The following THAP1 variants were observed in gnomAD, a reference collection of about 807,000 sequenced individuals.
THAP1 encodes THAP domain-containing protein 1.
Under a neutral mutation model 18.2 loss-of-function variants are expected in THAP1, and 6 were observed. That is an observed-to-expected ratio of 0.33 (90% CI 0.18 to 0.65). The LOEUF is 0.65. Among genes scored for constraint, THAP1 ranks in the 30% least tolerant of loss-of-function variants. The pLI, the probability that THAP1 is intolerant of heterozygous loss-of-function variation, is 0.74. For missense variants in THAP1, 176 were observed against 253.0 expected (o/e 0.70, Z 2.06); for synonymous variants, 85 against 90.5 (o/e 0.94, Z 0.34).
intron 1 of THAP1, among the ~76,000 whole-genome samples, chr8:42,842,184 AAATTCAGCTG>A (rs1452622328): frequency 6.6e-6 from 1 of 152,238 alleles, no homozygotes; most frequent in Non-Finnish European, 1.5e-5. Flanking sequence ...ATTTGTAAAC[AAATTCAGCTG>A]AATGAAAATG....
chr8:42,842,996 G>C (rs538267559), intron 1 of THAP1, 28 bp downstream of exon 1: 13 of 1,548,092 alleles, frequency 8.4e-6, no homozygotes, highest in East Asian at 5.1e-5. Flanking sequence ...GGCTGAGACC[G>C]GCCCCGCGAG....
rs891987383 is a variant in THAP1, at chr8:42,839,091, T to C, written c.267+95A>G. ...AACTACAAGGTTCCAGGCACATTTA[T>C]TCTCTTAACACTAACTCAATTTTCC... On this transcript the variant is annotated intron_variant, in intron 2 of 2. Transcript: ENST00000254250. 6 of 1,358,544 alleles carry C rather than the reference T, an allele frequency of 4.4e-6. No homozygotes were observed. In the Admixed American group the frequency reaches 1.0e-4, roughly 24 times the overall value. The allele number at this position is 1,358,544 out of a possible 1,614,324, so 84.2% of individuals were successfully genotyped here.
At chr8:42,840,172 G>C (rs564748365) in intron 1 of THAP1, among the ~76,000 whole-genome samples, 1 of 152,208 alleles carries the variant, frequency 6.6e-6, no homozygotes, top group African/African-American at 2.4e-5. Context: ...TCCAGCCTGG[G>C]TGACAGAGCC....
rs563463528 is a variant in THAP1 at position 42,837,805 on chromosome 8, A to G, written c.*157T>C. ...CCTGAAATTACAAACAAAAAAATTT[A>G]TAATTTTACAGTATATATAGAATTT... On this transcript the variant is annotated 3_prime_UTR_variant, in exon 3 of 3. Coordinates refer to ENST00000254250, the MANE Select transcript of THAP1 (RefSeq NM_018105.3). The G allele has an allele frequency of 3.6e-5, 24 of 675,946 alleles. No homozygotes were observed. The South Asian group carries it at 1.2e-3, about 34-fold the overall frequency. 41.9% of individuals were successfully genotyped at this position (675,946 alleles called of 1,614,324 possible).
Position 42,843,108 on chromosome 8 carries a change from A to G in THAP1, c.-14T>C, listed in dbSNP as rs745551712. On this transcript the variant is annotated 5_prime_UTR_variant, in exon 1 of 3. Transcript: ENST00000254250. ...GGACTGCACCATCCTTCCGGTCCTC[A>G]GGCACTTCACTTCTGCCGCCGCAGA... 1 of 1,613,242 alleles carries G rather than the reference A, an allele frequency of 6.2e-7. No individual in the cohort carries two copies. Among genetic ancestry groups the G allele is most frequent in the Non-Finnish European group, 8.5e-7 (1 of 1,179,604 alleles).
chr8:42,841,294 CTTTTTTTTTTTTTTTT>C (rs775435611), intron 1 of THAP1, among the ~76,000 whole-genome samples: 1 of 95,936 alleles, frequency 1.0e-5, no homozygotes, highest in Non-Finnish European at 1.9e-5. Context: ...ACAGTTGTAT[CTTTTTTTTTTTTTTTT>C]TTTTTTTTTG....
rs532785465 is a variant in THAP1 at position 42,839,530 on chromosome 8, CTATT to C, written c.72-153_72-150del. 2.3e-3 allele frequency: 1,952 copies of C among 849,532 alleles called. 4 individuals carry two copies. Among genetic ancestry groups the C allele is most frequent in the Non-Finnish European group, 3.1e-3 (1,774 of 567,248 alleles). 52.6% of individuals were successfully genotyped at this position (849,532 alleles called of 1,614,324 possible). On this transcript the variant is annotated intron_variant, in intron 1 of 2. Coordinates refer to ENST00000254250, the MANE Select transcript of THAP1 (RefSeq NM_018105.3). ...TGGATTAAAGATTAGCTCTAGTTAT[CTATT>C]TATCTCATTTATTAATTTTTTAAAA...
chr8:42,842,938 A>G, intron 1 of THAP1, 86 bp downstream of exon 1: 2 of 965,384 alleles, frequency 2.1e-6, no homozygotes, highest in Non-Finnish European at 2.6e-6. Context: ...TCGCGCGGAC[A>G]CGCGCCTGGC....
chr8:42,840,218 A>C lies in THAP1; in HGVS notation c.72-837T>G, dbSNP rs1435687100. Among the ~76,000 whole-genome samples, 3 of 152,148 alleles carry C rather than the reference A, an allele frequency of 2.0e-5. No individual in the cohort carries two copies. The South Asian group carries it at 6.2e-4, about 31-fold the overall frequency. ...AAAAAGAAAAAAATAACCTGTATTCATATTTTTTACCAGTAATTTTCTGTG... is the reference window on the plus strand; with the variant it reads ...AAAAAGAAAAAAATAACCTGTATTCCTATTTTTTACCAGTAATTTTCTGTG... On this transcript the variant is annotated intron_variant, in intron 1 of 2. Coordinates refer to ENST00000254250, the MANE Select transcript of THAP1 (RefSeq NM_018105.3).
chr8:42,838,115 G>A lies in THAP1; in HGVS notation c.489C>T (p.Leu163=). The A allele has an allele frequency of 6.2e-7, 1 of 1,614,216 alleles. No individual in the cohort carries two copies. Among genetic ancestry groups the A allele is most frequent in the Non-Finnish European group, 8.5e-7 (1 of 1,180,052 alleles). The change falls in exon 3 of 3, where the codon CTC becomes CTT. Residue 163 remains leucine, a synonymous_variant. Coordinates refer to ENST00000254250, the MANE Select transcript of THAP1 (RefSeq NM_018105.3). ...TTCTGCATCGCTGCTGTGCGGTCTT[G>A]AGCTTCTTTCTGAGTTTTTCAACTT... ...EQQVEKLRKK[L]KTAQQRCRRQ...
intron 1 of THAP1, among the ~76,000 whole-genome samples, chr8:42,842,016 T>C (rs1319846133): frequency 6.6e-6 from 1 of 152,194 alleles, no homozygotes; most frequent in Admixed American, 6.5e-5. Flanking sequence ...ATATTTAACA[T>C]TTTGCTTTTG....
At position 42,843,049 on chromosome 8, in the gene THAP1, TGTC is replaced by T. The variant is rs1478723907; in HGVS notation, c.43_45del (p.Asp15del). Reference sequence around the variant, plus strand: ...TTGTGGAAAGAAACGGGCTTGTCCTTGTCGTAGCGGTTCTTGCAGCCGTAGGCG... The same window carrying T: ...TTGTGGAAAGAAACGGGCTTGTCCTTGTAGCGGTTCTTGCAGCCGTAGGCG... On this transcript the variant is annotated inframe_deletion, in exon 1 of 3. Coordinates refer to ENST00000254250, the MANE Select transcript of THAP1 (RefSeq NM_018105.3). The T allele has an allele frequency of 6.2e-7, 1 of 1,613,790 alleles. No homozygotes were observed. The highest frequency in any genetic ancestry group is 1.3e-5 in the African/African-American group (1 of 74,922).
chr8:42,840,160 A>C (rs555729129), intron 1 of THAP1, among the ~76,000 whole-genome samples: 1 of 152,126 alleles, frequency 6.6e-6, no homozygotes, highest in South Asian at 2.1e-4. Context: ...ATTCCACTGC[A>C]CTCCAGCCTG....
intron 1 of THAP1, among the ~76,000 whole-genome samples, chr8:42,840,038 G>T (rs1051867004): frequency 6.6e-6 from 1 of 152,012 alleles, no homozygotes; most frequent in Non-Finnish European, 1.5e-5. Context: ...CTCTACAAAA[G>T]ACACAAAAAT....
chr8:42,839,525 G>C, intron 1 of THAP1, 144 bp from the exon 2 acceptor site: 3 of 878,964 alleles, frequency 3.4e-6, no homozygotes, highest in Non-Finnish European at 5.1e-6. Flanking sequence ...ATTAGCTCTA[G>C]TTATCTATTT....
chr8:42,840,374 G>T (rs181246380), intron 1 of THAP1, among the ~76,000 whole-genome samples: 158 of 152,220 alleles, frequency 1.0e-3, no homozygotes, highest in African/African-American at 3.6e-3. Context: ...AATAACGAAA[G>T]AATTTATTTT....
In THAP1 at chr8:42,837,375, A is replaced by G. The variant is rs544073908; in HGVS notation, c.*587T>C. ...TCTGAAGTTATTGATCAGATATGCA[A>G]TGACTTTTTTCTGCTGTGATGATAA... On this transcript the variant is annotated 3_prime_UTR_variant, in exon 3 of 3. Transcript: ENST00000254250. 6.6e-6 allele frequency: 1 copy of G among 152,244 alleles called. No homozygotes were observed. The highest frequency in any genetic ancestry group is 1.5e-5 in the Non-Finnish European group (1 of 68,088). 9.4% of individuals were successfully genotyped at this position (152,244 alleles called of 1,614,324 possible). A position where few individuals can be genotyped will look rare whatever the true frequency, so the allele number is the denominator to read the frequency against.
At chr8:42,842,862 C>T in intron 1 of THAP1, 162 bp downstream of exon 1, 1 of 390,916 alleles carries the variant, frequency 2.6e-6, no homozygotes, top group Non-Finnish European at 3.8e-6. Flanking sequence ...CGCGATCGGG[C>T]GGCGGTTCCC....
chr8:42,839,228 A>G lies in THAP1; in HGVS notation c.225T>C (p.Asn75=). The G allele has an allele frequency of 1.2e-6, 2 of 1,614,124 alleles. No homozygotes were observed. The highest frequency in any genetic ancestry group is 1.7e-6 in the Non-Finnish European group (2 of 1,180,004). The change falls in exon 2 of 3, where the codon AAT becomes AAC. Residue 75 remains asparagine, a synonymous_variant. Transcript: ENST00000254250. The stretch of plus-strand genomic sequence containing the variant: ...TACAAAGAAATATTGTGGGCACAGC[A>G]TTCTCTTTCAGTAACTTGTTGTTGC... ...RECNNKLLKE[N]AVPTIFLCTE...
Sources: gnomAD v4.1 joint callset for allele counts (sites outside exome capture counted in the v4.1 genomes callset) on GRCh38, gnomAD v4.1.1 for gene constraint, MANE v1.5 for transcripts, NCBI Gene and HGNC (gene_info 2026-07-23, HGNC 2026-07-21) for gene names.